PSPC1: variants seen among roughly 807,000 people sequenced by gnomAD.
PSPC1 encodes paraspeckle component 1.
A neutral mutation model predicts 51.6 loss-of-function variants in PSPC1; 14 were observed. The observed-to-expected ratio is 0.27, with a 90% CI of 0.18 to 0.42. The LOEUF is 0.42. PSPC1 is among the 10% of genes least tolerant of loss of function. The pLI is 1.00. For missense variants in PSPC1, 406 were observed against 701.1 expected, an observed-to-expected ratio of 0.58 and a Z score of 4.75; for synonymous variants, 193 against 231.9, an observed-to-expected ratio of 0.83 and a Z score of 1.53.
At chr13:19,773,576 A>G (rs1349602583) in intron 1 of PSPC1, among the ~76,000 whole-genome samples, 1 of 152,076 alleles carries the variant, frequency 6.6e-6, no homozygotes, top group Non-Finnish European at 1.5e-5. Context: ...ACCTCTCTAC[A>G]GCCAGACAAA....
chr13:19,688,760 T>A (rs1878217874), intron 6 of PSPC1, among the ~76,000 whole-genome samples: 1 of 152,166 alleles, frequency 6.6e-6, no homozygotes. Context: ...CTAACTCAGC[T>A]CAAGCAATCT....
At chr13:19,673,790 G>T (rs1876313554), downstream of PSPC1, among the ~76,000 whole-genome samples, 1 of 152,198 alleles carries the variant, frequency 6.6e-6, no homozygotes, top group South Asian at 2.1e-4. Flanking sequence ...GGGGGAAAAA[G>T]CCTGAGCAAT....
chr13:19,780,609 G>A (rs1273858934), intron 1 of PSPC1, among the ~76,000 whole-genome samples: 1 of 120,200 alleles, frequency 8.3e-6, no homozygotes, highest in Non-Finnish European at 1.8e-5. Context: ...ATGCTTGAAG[G>A]CAGCATGCTC....
chr13:19,673,186 G>T (rs778037327), downstream of PSPC1: 2 of 447,846 alleles, frequency 4.5e-6, no homozygotes, highest in Non-Finnish European at 8.9e-6. Context: ...AAACCTGGCT[G>T]TCAGCTGTGT....
chr13:19,750,463 T>TAC (rs1170003126), intron 4 of PSPC1, among the ~76,000 whole-genome samples: 1 of 150,206 alleles, frequency 6.7e-6, no homozygotes, highest in Non-Finnish European at 1.5e-5. Context: ...AACAAAAATA[T>TAC]ATATATATAT....
At chr13:19,697,628 A>G (rs1303738094), downstream of PSPC1, among the ~76,000 whole-genome samples, 1 of 152,198 alleles carries the variant, frequency 6.6e-6, no homozygotes, top group South Asian at 2.1e-4. Flanking sequence ...CATATTTTCT[A>G]ATCAACTCAA....
At chr13:19,721,062 CA>C (rs980729992) in intron 6 of PSPC1, among the ~76,000 whole-genome samples, 53 of 151,976 alleles carry the variant, frequency 3.5e-4, no homozygotes, top group African/African-American at 1.3e-3. Context: ...AGTTTTAGTA[CA>C]AAATTCTAAC....
chr13:19,685,211 G>GAGCCC (rs989722899), intron 6 of PSPC1, among the ~76,000 whole-genome samples: 6 of 152,302 alleles, frequency 3.9e-5, no homozygotes, highest in African/African-American at 1.4e-4. Context: ...CGCCACATCA[G>GAGCCC]AGCCCAGCCC....
At chr13:19,762,485 G>A (rs563124326) in intron 2 of PSPC1, among the ~76,000 whole-genome samples, 8 of 152,036 alleles carry the variant, frequency 5.3e-5, no homozygotes, top group Non-Finnish European at 1.0e-4. Flanking sequence ...GCTGGAACCT[G>A]GGAGGCAGAG....
intron 7 of PSPC1, 142 bp downstream of exon 7, chr13:19,709,400 G>A (rs1881123296): frequency 3.6e-6 from 2 of 560,716 alleles, no homozygotes; most frequent in Non-Finnish European, 6.4e-6. Context: ...TTGTATTCCA[G>A]TTTAATGGAT....
At chr13:19,686,317 T>TC (rs546863470) in intron 6 of PSPC1, among the ~76,000 whole-genome samples, 114 of 152,266 alleles carry the variant, frequency 7.5e-4, no homozygotes, top group African/African-American at 2.7e-3. Flanking sequence ...AAAATCGTAC[T>TC]CTTTCTATGT....
intron 6 of PSPC1, among the ~76,000 whole-genome samples, chr13:19,680,336 G>A (rs1045962865): frequency 6.6e-6 from 1 of 152,020 alleles, no homozygotes; most frequent in Admixed American, 6.6e-5. Context: ...TTTTAAAAGG[G>A]TCATTTTTTC....
At chr13:19,778,363 CT>C (rs1889425991) in intron 1 of PSPC1, among the ~76,000 whole-genome samples, 2 of 3,046 alleles carry the variant, frequency 6.6e-4, no homozygotes, top group South Asian at 0.17. Flanking sequence ...ACCTCTCCCT[CT>C]CCCCCTCCCC....
At chr13:19,759,072 C>T (rs902289205) in intron 3 of PSPC1, among the ~76,000 whole-genome samples, 2 of 151,784 alleles carry the variant, frequency 1.3e-5, no homozygotes, top group Non-Finnish European at 2.9e-5. Flanking sequence ...ATCACTTGAA[C>T]GTGGGAGGTA....
At chr13:19,682,639 A>C (rs1015481148) in intron 6 of PSPC1, among the ~76,000 whole-genome samples, 11 of 152,236 alleles carry the variant, frequency 7.2e-5, no homozygotes, top group Admixed American at 6.5e-5. Context: ...GCTAAAATTA[A>C]CATGACTGAC....
intron 8 of PSPC1, among the ~76,000 whole-genome samples, chr13:19,704,912 T>C (rs1880455582): frequency 1.3e-5 from 2 of 152,200 alleles, no homozygotes; most frequent in African/African-American, 4.8e-5. Context: ...AACTTTAATG[T>C]TAATTTACAG....
At chr13:19,756,627 G>T (rs1334554172) in intron 3 of PSPC1, among the ~76,000 whole-genome samples, 1 of 151,964 alleles carries the variant, frequency 6.6e-6, no homozygotes, top group Non-Finnish European at 1.5e-5. Context: ...AGCCTCCTGA[G>T]TAGCTAGAAT....
downstream of PSPC1, among the ~76,000 whole-genome samples, chr13:19,701,716 C>G (rs115085362): frequency 3.5e-4 from 54 of 152,150 alleles, no homozygotes; most frequent in South Asian, 0.011. Context: ...TCCAGCAAAA[C>G]AGACACCACT....
At chr13:19,779,762 CG>C (rs1889688025) in intron 1 of PSPC1, among the ~76,000 whole-genome samples, 1 of 87,906 alleles carries the variant, frequency 1.1e-5, no homozygotes, top group Non-Finnish European at 2.4e-5. Flanking sequence ...CCCAGCCAGC[CG>C]GCCCGTCTGG....
Sources: gnomAD v4.1 joint callset for allele counts (sites outside exome capture counted in the v4.1 genomes callset) on GRCh38, gnomAD v4.1.1 for gene constraint, MANE v1.5 for transcripts, NCBI Gene and HGNC (gene_info 2026-07-23, HGNC 2026-07-21) for gene names.